GALNT13: variants seen among roughly 807,000 people sequenced by gnomAD.
GALNT13 encodes the protein UDP-GalNAc:polypeptide N-acetylgalactosaminyltransferase 13.
GALNT13 carries 28 observed loss-of-function variants against 64.2 expected under a neutral mutation model. The ratio of observed to expected loss-of-function variants is 0.44; its 90% CI spans 0.32 to 0.60. GALNT13 has a LOEUF of 0.60. GALNT13 is among the 20% of genes least tolerant of loss of function. GALNT13 has a pLI of 0.05. For missense variants in GALNT13, 577 were observed against 669.8 expected (o/e 0.86, Z 1.53); for synonymous variants, 214 against 224.6 (o/e 0.95, Z 0.42).
chr2:154,344,865 T>C (rs1695978738), intron 9 of GALNT13, among the ~76,000 whole-genome samples: 1 of 151,992 alleles, frequency 6.6e-6, no homozygotes, highest in African/African-American at 2.4e-5. Flanking sequence ...AATTTTGAGC[T>C]TTTAGAAGAG....
the GALNT13 span, among the ~76,000 whole-genome samples, chr2:153,113,232 G>A: frequency 6.6e-6 from 1 of 152,032 alleles, no homozygotes; most frequent in Non-Finnish European, 1.5e-5. Flanking sequence ...TTACCTGAGT[G>A]TACAGGATGG....
the GALNT13 span, among the ~76,000 whole-genome samples, chr2:153,735,113 G>A: frequency 2.6e-5 from 4 of 152,118 alleles, no homozygotes; most frequent in Admixed American, 6.6e-5. Context: ...TCCATGCCTT[G>A]TTTGGAGCTG....
At chr2:154,397,907 TTTTG>T (rs1411308626) in intron 10 of GALNT13, among the ~76,000 whole-genome samples, 1 of 152,232 alleles carries the variant, frequency 6.6e-6, no homozygotes, top group East Asian at 1.9e-4. Context: ...CAAAGTATTT[TTTTG>T]TTTGTTTTTA....
intron 8 of GALNT13, among the ~76,000 whole-genome samples, chr2:154,297,563 T>C (rs1487771067): frequency 6.6e-6 from 1 of 152,184 alleles, no homozygotes; most frequent in African/African-American, 2.4e-5. Context: ...AACACCCTTA[T>C]GAGGAACTGA....
At chr2:153,480,502 A>G in the GALNT13 span, among the ~76,000 whole-genome samples, 1 of 152,206 alleles carries the variant, frequency 6.6e-6, no homozygotes, top group Non-Finnish European at 1.5e-5. Flanking sequence ...CTAGTTTCCC[A>G]TAATTTAATT....
chr2:154,287,969 G>T (rs1692371430), intron 8 of GALNT13, among the ~76,000 whole-genome samples: 1 of 152,016 alleles, frequency 6.6e-6, no homozygotes. Context: ...CACTTTGTTT[G>T]TCCAACCTGC....
At chr2:153,166,621 A>ATATGTGTGTG in the GALNT13 span, among the ~76,000 whole-genome samples, 1 of 122,662 alleles carries the variant, frequency 8.2e-6, no homozygotes, top group Non-Finnish European at 1.7e-5. Context: ...TGCCTACTGC[A>ATATGTGTGTG]TGTGTGTGTG....
the GALNT13 span, among the ~76,000 whole-genome samples, chr2:153,096,644 G>A: frequency 6.6e-6 from 1 of 151,924 alleles, no homozygotes; most frequent in African/African-American, 2.4e-5. Flanking sequence ...TATGGTTTTG[G>A]CCTTGGAATC....
chr2:154,358,435 T>C (rs1295557646), intron 9 of GALNT13, among the ~76,000 whole-genome samples: 3 of 152,088 alleles, frequency 2.0e-5, no homozygotes, highest in African/African-American at 7.2e-5. Context: ...TAAACCAACT[T>C]TATATGCATT....
At chr2:153,629,263 G>A in the GALNT13 span, among the ~76,000 whole-genome samples, 67 of 151,546 alleles carry the variant, frequency 4.4e-4, no homozygotes, top group African/African-American at 1.6e-3. Context: ...CAAGGCTACA[G>A]TAACCAAAAC....
chr2:154,414,925 A>T (rs992431583), intron 11 of GALNT13, among the ~76,000 whole-genome samples: 1 of 151,966 alleles, frequency 6.6e-6, no homozygotes, highest in African/African-American at 2.4e-5. Context: ...TAAAGGCATA[A>T]TATCAAAATT....
chr2:153,702,799 T>C, the GALNT13 span, among the ~76,000 whole-genome samples: 1 of 152,144 alleles, frequency 6.6e-6, no homozygotes, highest in African/African-American at 2.4e-5. Context: ...ATGAGTCTGA[T>C]ATTAAGGACT....
the GALNT13 span, among the ~76,000 whole-genome samples, chr2:153,523,516 C>T: frequency 6.6e-6 from 1 of 152,178 alleles, no homozygotes; most frequent in Non-Finnish European, 1.5e-5. Context: ...TAGTTTTCCT[C>T]AGATAGACCT....
chr2:153,089,282 A>C, the GALNT13 span, among the ~76,000 whole-genome samples: 1 of 152,128 alleles, frequency 6.6e-6, no homozygotes, highest in Non-Finnish European at 1.5e-5. Flanking sequence ...ATTTTGTTTC[A>C]AGAGGCTAAA....
At chr2:154,227,905 A>G (rs941358552) in intron 4 of GALNT13, among the ~76,000 whole-genome samples, 2 of 152,138 alleles carry the variant, frequency 1.3e-5, no homozygotes, top group Non-Finnish European at 2.9e-5. Flanking sequence ...TTTGGAAACA[A>G]TAGACATCAT....
intron 12 of GALNT13, chr2:154,446,683 T>C (rs1249449052): frequency 1.3e-6 from 2 of 1,548,664 alleles, no homozygotes; most frequent in East Asian, 4.9e-5. Context: ...CAAAAATGGC[T>C]ACTAAGAAAC....
chr2:154,299,416 G>A (rs1163440803), intron 8 of GALNT13, among the ~76,000 whole-genome samples: 1 of 151,076 alleles, frequency 6.6e-6, no homozygotes, highest in East Asian at 1.9e-4. Flanking sequence ...TATATTTCAT[G>A]AAGCTAGGAA....
intron 9 of GALNT13, among the ~76,000 whole-genome samples, chr2:154,302,099 G>T (rs1381706940): frequency 2.0e-5 from 3 of 151,862 alleles, no homozygotes; most frequent in Non-Finnish European, 4.4e-5. Flanking sequence ...TCAGTGGGTG[G>T]TAGGATTATG....
chr2:154,045,296 G>T (rs958050216), intron 3 of GALNT13, among the ~76,000 whole-genome samples: 1 of 152,162 alleles, frequency 6.6e-6, no homozygotes, highest in South Asian at 2.1e-4. Context: ...TGTGAATTGT[G>T]GTTACTGTGG....
Sources: allele counts gnomAD v4.1 joint callset (sites outside exome capture counted in the v4.1 genomes callset), GRCh38; gene constraint gnomAD v4.1.1; transcripts MANE v1.5; gene names NCBI Gene and HGNC (gene_info 2026-07-23, HGNC 2026-07-21).